Variants in ZCCHC7 observed in about 807,000 individuals in gnomAD.
ZCCHC7 encodes zinc finger CCHC domain-containing protein 7.
ZCCHC7 carries 35 observed loss-of-function variants against 52.0 expected under a neutral mutation model. The observed-to-expected ratio is 0.67, with a 90% CI of 0.51 to 0.89. The LOEUF is 0.89. Ranked by LOEUF, ZCCHC7 falls within the 40% of genes least tolerant of loss-of-function variation. ZCCHC7 has a pLI of 0.00. For synonymous variants in ZCCHC7, 217 were observed against 221.5 expected, an observed-to-expected ratio of 0.98 and a Z score of 0.18; for missense variants, 574 against 649.1, an observed-to-expected ratio of 0.88 and a Z score of 1.26.
At chr9:37,217,613 G>A (rs1373797388) in intron 2 of ZCCHC7, among the ~76,000 whole-genome samples, 1 of 152,020 alleles carries the variant, frequency 6.6e-6, no homozygotes, top group East Asian at 1.9e-4. Flanking sequence ...TGTGATTATT[G>A]TTAGAATAAT....
At chr9:37,153,159 T>TATTGATTGATTG (rs141538496) in intron 2 of ZCCHC7, among the ~76,000 whole-genome samples, 22 of 151,728 alleles carry the variant, frequency 1.4e-4, no homozygotes, top group African/African-American at 5.3e-4. Context: ...TTACTATTAT[T>TATTGATTGATTG]ATTGATTGAT....
chr9:37,162,206 T>G (rs572965602), intron 2 of ZCCHC7, among the ~76,000 whole-genome samples: 1 of 152,118 alleles, frequency 6.6e-6, no homozygotes, highest in South Asian at 2.1e-4. Context: ...ATATAATACA[T>G]AGAATTATAC....
At chr9:37,263,754 G>A (rs11790741) in intron 2 of ZCCHC7, among the ~76,000 whole-genome samples, 1,997 of 152,242 alleles carry the variant, frequency 0.013, 18 homozygotes, top group Middle Eastern at 0.048. Context: ...GAGTTAGCTA[G>A]AATTTCTTTT....
intron 6 of ZCCHC7, among the ~76,000 whole-genome samples, chr9:37,345,419 C>T (rs1446281261): frequency 6.6e-6 from 1 of 152,240 alleles, no homozygotes; most frequent in Non-Finnish European, 1.5e-5. Flanking sequence ...ACATGGCTTA[C>T]ATGCGTACCT....
chr9:37,184,468 T>TG (rs1822542558), intron 2 of ZCCHC7, among the ~76,000 whole-genome samples: 1 of 151,966 alleles, frequency 6.6e-6, no homozygotes, highest in East Asian at 1.9e-4. Flanking sequence ...GTTTTACTGA[T>TG]GGGGCCTGGC....
chr9:37,261,191 C>T (rs920798310), intron 2 of ZCCHC7, among the ~76,000 whole-genome samples: 2 of 152,124 alleles, frequency 1.3e-5, no homozygotes, highest in Non-Finnish European at 2.9e-5. Flanking sequence ...AAAAATGTCT[C>T]ATAGCCTCAT....
intron 2 of ZCCHC7, among the ~76,000 whole-genome samples, chr9:37,296,173 T>G (rs1357250626): frequency 6.6e-6 from 1 of 152,132 alleles, no homozygotes; most frequent in African/African-American, 2.4e-5. Context: ...TGTACTGGGT[T>G]GGGTGGAAAA....
At chr9:37,315,653 A>T (rs1234736850) in intron 5 of ZCCHC7, among the ~76,000 whole-genome samples, 2 of 151,756 alleles carry the variant, frequency 1.3e-5, no homozygotes, top group Non-Finnish European at 1.5e-5. Flanking sequence ...CTCAATTTTT[A>T]AATTATTTCA....
chr9:37,343,069 A>G (rs151117756), intron 6 of ZCCHC7, among the ~76,000 whole-genome samples: 2 of 152,352 alleles, frequency 1.3e-5, no homozygotes, highest in Non-Finnish European at 2.9e-5. Flanking sequence ...ACACTTGTAT[A>G]TGCCTGTACT....
intron 2 of ZCCHC7, among the ~76,000 whole-genome samples, chr9:37,293,553 C>G (rs1280872199): frequency 6.6e-6 from 1 of 151,956 alleles, no homozygotes; most frequent in Non-Finnish European, 1.5e-5. Flanking sequence ...GGTATATTTT[C>G]TTTTTGCCTT....
intron 2 of ZCCHC7, among the ~76,000 whole-genome samples, chr9:37,292,151 G>A (rs1828569391): frequency 6.6e-6 from 1 of 152,146 alleles, no homozygotes; most frequent in African/African-American, 2.4e-5. Context: ...TGCGTTTGCT[G>A]TCTTTATAGT....
At chr9:37,195,369 A>G (rs1364542321) in intron 2 of ZCCHC7, among the ~76,000 whole-genome samples, 1 of 152,204 alleles carries the variant, frequency 6.6e-6, no homozygotes, top group Non-Finnish European at 1.5e-5. Flanking sequence ...GCCACTAGGG[A>G]CGTTGCAGAA....
chr9:37,279,261 C>G (rs1425652621), intron 2 of ZCCHC7, among the ~76,000 whole-genome samples: 1 of 150,204 alleles, frequency 6.7e-6, no homozygotes, highest in Non-Finnish European at 1.5e-5. Flanking sequence ...ATACATATGG[C>G]AACTATATCA....
In ZCCHC7 at chr9:37,304,216, G is replaced by A; in HGVS notation, c.683G>A (p.Gly228Glu). 1.2e-6 allele frequency: 2 copies of A among 1,613,184 alleles called. No homozygotes were observed. Among genetic ancestry groups the A allele is most frequent in the Non-Finnish European group, 1.7e-6 (2 of 1,179,592 alleles). ...CAGATAGCTAATAACCGAACACCTGGAAGATGGACCCAGCGGTACTATTCA... is the reference window on the plus strand; with the variant it reads ...CAGATAGCTAATAACCGAACACCTGAAAGATGGACCCAGCGGTACTATTCA... ...EAQIANNRTP[G>E]RWTQRYYSAN... Residue 228 changes from glycine to glutamate, a missense_variant, in exon 4 of 9, where the codon GGA becomes GAA. By Grantham distance (98) the Gly-to-Glu change is moderately conservative. This residue lies in a region of ZCCHC7 where 403 missense variants were observed against 461.2 expected (regional missense o/e 0.87). Transcript: ENST00000336755.
intron 2 of ZCCHC7, among the ~76,000 whole-genome samples, chr9:37,218,533 G>C (rs963279642): frequency 6.6e-6 from 1 of 152,238 alleles, no homozygotes; most frequent in African/African-American, 2.4e-5. Context: ...TGGGCCAGGC[G>C]TGGTGGCTCA....
chr9:37,344,359 CTTAAAACAAATCCGATA>C (rs1820822311), intron 6 of ZCCHC7, among the ~76,000 whole-genome samples: 1 of 152,206 alleles, frequency 6.6e-6, no homozygotes, highest in Non-Finnish European at 1.5e-5. Flanking sequence ...TCCCATGCCA[CTTAAAACAAATCCGATA>C]TTCTTCACCC....
chr9:37,202,547 G>A (rs1175065295), intron 2 of ZCCHC7, among the ~76,000 whole-genome samples: 1 of 152,114 alleles, frequency 6.6e-6, no homozygotes, highest in African/African-American at 2.4e-5. Flanking sequence ...TGTTGCCCAG[G>A]TGGAGCTTAC....
chr9:37,153,152 CTATTAT>C (rs1175334208), intron 2 of ZCCHC7, among the ~76,000 whole-genome samples: 5 of 150,276 alleles, frequency 3.3e-5, no homozygotes, highest in Non-Finnish European at 5.9e-5. Flanking sequence ...TTTTTATTTA[CTATTAT>C]TATTGATTGA....
At chr9:37,245,227 T>C (rs1303675942) in intron 2 of ZCCHC7, among the ~76,000 whole-genome samples, 1 of 151,980 alleles carries the variant, frequency 6.6e-6, no homozygotes, top group African/African-American at 2.4e-5. Flanking sequence ...AACACAGTTA[T>C]AGTCAGTAGT....
Sources: allele counts gnomAD v4.1 joint callset (sites outside exome capture counted in the v4.1 genomes callset), GRCh38; gene constraint gnomAD v4.1.1; regional missense constraint gnomAD v4.1.1; transcripts MANE v1.5; gene names NCBI Gene and HGNC (gene_info 2026-07-23, HGNC 2026-07-21).